SMARCAL1: variants seen among roughly 807,000 people sequenced by gnomAD.
SMARCAL1 encodes SNF2 related chromatin remodeling annealing helicase 1.
A neutral mutation model predicts 94.5 loss-of-function variants in SMARCAL1; 58 were observed. The ratio of observed to expected loss-of-function variants is 0.61; its 90% CI spans 0.50 to 0.76. The LOEUF (loss-of-function observed/expected upper bound fraction) is 0.76, where lower values mean the gene tolerates loss of function less well. Ranked by LOEUF, SMARCAL1 falls within the 30% of genes least tolerant of loss-of-function variation. The pLI is 0.00. For missense variants in SMARCAL1, 1,051 were observed against 1,177.9 expected, an observed-to-expected ratio of 0.89 and a Z score of 1.58; for synonymous variants, 422 against 455.1, an observed-to-expected ratio of 0.93 and a Z score of 0.93.
At position 216,418,639 on chromosome 2, in the gene SMARCAL1, T is replaced by G. The variant is rs562135705; in HGVS notation, c.863-1660T>G. Among the ~76,000 whole-genome samples, 15 of 152,328 alleles carry G rather than the reference T, an allele frequency of 9.8e-5. No homozygotes were observed. In the South Asian group the frequency reaches 1.2e-3, roughly 13 times the overall value. ...TCACTGTAGAACATATTTTGACGTG[T>G]GAAGAAGAAAAACCATCCCCCGTAA... On this transcript the variant is annotated intron_variant, in intron 4 of 17. Coordinates refer to ENST00000357276, the MANE Select transcript of SMARCAL1 (RefSeq NM_014140.4).
rs1243322026 is a variant in SMARCAL1, at chr2:216,415,650, A to AT, written c.811+139dup. ...CCATCCAGTTGTTAAAAATTTTTCA[A>AT]TTTTAGCTTGTTTCCCTTCATAATA... On this transcript the variant is annotated intron_variant, in intron 3 of 17. Transcript: ENST00000357276. 1.2e-5 allele frequency: 10 copies of AT among 850,838 alleles called. No individual in the cohort carries two copies. In the Admixed American group the frequency reaches 2.6e-4, roughly 22 times the overall value. The allele number at this position is 850,838 out of a possible 1,614,324, so 52.7% of individuals were successfully genotyped here.
chr2:216,414,906 G>A lies in SMARCAL1; in HGVS notation c.202G>A (p.Gly68Ser), dbSNP rs752282615. 5.0e-6 allele frequency: 8 copies of A among 1,614,056 alleles called. No individual in the cohort carries two copies. The East Asian group carries it at 1.6e-4, about 31-fold the overall frequency. Residue 68 changes from glycine (G) to serine (S), a missense_variant, in exon 3 of 18, where the codon GGT (glycine) becomes AGT (serine). Gly to Ser is a moderately conservative substitution (Grantham distance 56). Transcript: ENST00000357276. ...PRESCKPVSH[G>S]VIFKQQNLSS... Reference sequence around the variant, plus strand: ...GGAGTCTTGTAAGCCAGTGAGCCATGGTGTCATTTTCAAGCAACAGAATCT... The same window carrying A: ...GGAGTCTTGTAAGCCAGTGAGCCATAGTGTCATTTTCAAGCAACAGAATCT...
At chr2:216,476,758 G>A (rs773357126) in intron 15 of SMARCAL1, among the ~76,000 whole-genome samples, 3 of 152,168 alleles carry the variant, frequency 2.0e-5, no homozygotes, top group Non-Finnish European at 2.9e-5. Flanking sequence ...GAAGTGTGCA[G>A]GCCTCCATCA....
intron 9 of SMARCAL1, among the ~76,000 whole-genome samples, chr2:216,436,845 C>T (rs185077481): frequency 2.0e-5 from 3 of 152,344 alleles, no homozygotes; most frequent in Admixed American, 2.0e-4. Context: ...ATCCATTTCA[C>T]AGCTGATGAA....
At chr2:216,467,685 T>C (rs1490647721) in intron 13 of SMARCAL1, among the ~76,000 whole-genome samples, 1 of 152,194 alleles carries the variant, frequency 6.6e-6, no homozygotes, top group African/African-American at 2.4e-5. Flanking sequence ...TTTAGTATTA[T>C]GTATGTCTCA....
intron 12 of SMARCAL1, among the ~76,000 whole-genome samples, chr2:216,453,919 T>C (rs1313446536): frequency 2.0e-5 from 3 of 152,236 alleles, no homozygotes; most frequent in African/African-American, 7.2e-5. Context: ...ATGTAATGTA[T>C]AATCAAAGAC....
At chr2:216,442,323 G>A (rs1379902995) in intron 10 of SMARCAL1, among the ~76,000 whole-genome samples, 1 of 151,680 alleles carries the variant, frequency 6.6e-6, no homozygotes, top group Non-Finnish European at 1.5e-5. Flanking sequence ...AGGCTGAGGT[G>A]GGAGAATCAC....
At chr2:216,435,828 T>C (rs547852287) in intron 9 of SMARCAL1, among the ~76,000 whole-genome samples, 2 of 152,264 alleles carry the variant, frequency 1.3e-5, no homozygotes, top group African/African-American at 4.8e-5. Context: ...GGGCTCTGGG[T>C]ACTACAACCT....
intron 14 of SMARCAL1, among the ~76,000 whole-genome samples, chr2:216,468,679 T>C (rs1694888204): frequency 6.6e-6 from 1 of 152,226 alleles, no homozygotes; most frequent in Non-Finnish European, 1.5e-5. Context: ...ATACAGCAAA[T>C]ACCCATGTAT....
chr2:216,430,148 G>A lies in SMARCAL1; in HGVS notation c.1334+1366G>A, dbSNP rs138418411. Among the ~76,000 whole-genome samples, 1,371 of 152,224 alleles carry A rather than the reference G, an allele frequency of 9.0e-3. 11 individuals carry two copies. The highest frequency in any genetic ancestry group is 0.013 in the Non-Finnish European group (917 of 68,014). On this transcript the variant is annotated intron_variant, in intron 7 of 17. Transcript: ENST00000357276. The stretch of plus-strand genomic sequence containing the variant: ...GGCTCTGTGTGTGAGGCGCCCCAGG[G>A]CAGATCTGTTTCTCTCTCTGTGGCT...
chr2:216,464,881 A>G (rs1259574287), intron 13 of SMARCAL1, among the ~76,000 whole-genome samples: 1 of 152,130 alleles, frequency 6.6e-6, no homozygotes, highest in Non-Finnish European at 1.5e-5. Flanking sequence ...GGCCAGGCTC[A>G]ATGCCTGTAA....
chr2:216,415,052 A>G lies in SMARCAL1; in HGVS notation c.348A>G (p.Gln116=), dbSNP rs772275806. 6.2e-7 allele frequency: 1 copy of G among 1,614,226 alleles called. No individual in the cohort carries two copies. The highest frequency in any genetic ancestry group is 8.5e-7 in the Non-Finnish European group (1 of 1,180,046). The change falls in exon 3 of 18, where the codon CAA becomes CAG. Residue 116 remains glutamine, a synonymous_variant. Transcript: ENST00000357276. ...TACPGHSPRS[Q]MALTGISPPL... Reference sequence around the variant, plus strand: ...GCCCAGGCCACAGTCCACGTAGTCAAATGGCTCTCACTGGAATCTCTCCTC... The same window carrying G: ...GCCCAGGCCACAGTCCACGTAGTCAGATGGCTCTCACTGGAATCTCTCCTC...
intron 16 of SMARCAL1, among the ~76,000 whole-genome samples, chr2:216,477,806 A>C (rs1231780075): frequency 2.6e-5 from 4 of 152,030 alleles, no homozygotes; most frequent in Non-Finnish European, 5.9e-5. Flanking sequence ...ATTTGTTTCC[A>C]CTGCTTGTCT....
At position 216,415,469 on chromosome 2, in the gene SMARCAL1, T is replaced by C. The variant is rs764441226; in HGVS notation, c.765T>C (p.Asn255=). 34 of 1,613,790 alleles carry C rather than the reference T, an allele frequency of 2.1e-5. 1 individual carries two copies. The Middle Eastern group carries it at 6.6e-4, about 31-fold the overall frequency. Residue 255 remains asparagine (N), a synonymous_variant, in exon 3 of 18, where the codon AAT becomes AAC. Coordinates refer to ENST00000357276, the MANE Select transcript of SMARCAL1 (RefSeq NM_014140.4). The part of the protein sequence containing the change: ...GDRFQVLIGY[N]AELIAVFKTL... ...GTTTCCAGGTGTTGATTGGGTACAA[T>C]GCGGAACTCATTGCAGTGTTTAAGA...
intron 10 of SMARCAL1, among the ~76,000 whole-genome samples, chr2:216,441,840 T>TAA (rs926874878): frequency 6.6e-6 from 1 of 152,188 alleles, no homozygotes; most frequent in Non-Finnish European, 1.5e-5. Flanking sequence ...GGCACTCTTT[T>TAA]AAACAGTGAG....
intron 12 of SMARCAL1, among the ~76,000 whole-genome samples, chr2:216,457,156 G>C (rs900309789): frequency 2.0e-5 from 3 of 152,150 alleles, no homozygotes; most frequent in Non-Finnish European, 4.4e-5. Context: ...AAATATATAT[G>C]CACCCAATAC....
rs373085384 is a variant in SMARCAL1, at chr2:216,451,025, G to A, written c.2031G>A (p.Leu677=). Reference sequence around the variant, plus strand: ...TCAATGCCAGGACCAGAGCTGCCCTGGATGCTGCAGCCAAGGAAATGACCA... The same window carrying A: ...TCAATGCCAGGACCAGAGCTGCCCTAGATGCTGCAGCCAAGGAAATGACCA... ...GRINARTRAA[L]DAAAKEMTTK... Residue 677 remains leucine, a synonymous_variant, in exon 12 of 18, where the codon CTG becomes CTA. Transcript: ENST00000357276. 5.8e-5 allele frequency: 94 copies of A among 1,614,076 alleles called. No homozygotes were observed. The highest frequency in any genetic ancestry group is 7.7e-5 in the Non-Finnish European group (91 of 1,180,026).
chr2:216,427,486 G>A (rs1298726006), intron 6 of SMARCAL1: 1 of 152,192 alleles, frequency 6.6e-6, no homozygotes, highest in East Asian at 1.9e-4. Flanking sequence ...AAATGAAAAT[G>A]GTTTCTGAAA....
intron 16 of SMARCAL1, among the ~76,000 whole-genome samples, chr2:216,477,975 C>G (rs1695124746): frequency 1.3e-5 from 2 of 152,138 alleles, no homozygotes; most frequent in Non-Finnish European, 2.9e-5. Flanking sequence ...TACACATCTT[C>G]CATTAGAAAG....
Sources: allele counts gnomAD v4.1 joint callset (sites outside exome capture counted in the v4.1 genomes callset), GRCh38; gene constraint gnomAD v4.1.1; transcripts MANE v1.5; gene names NCBI Gene and HGNC (gene_info 2026-07-23, HGNC 2026-07-21).